The following GAB2 variants were observed in gnomAD, a reference collection of about 807,000 sequenced individuals.
GAB2 encodes the protein GRB2-associated-binding protein 2.
In GAB2, 26 loss-of-function variants were observed where a neutral mutation model predicts 65.5. The ratio of observed to expected loss-of-function variants is 0.40; its 90% CI spans 0.29 to 0.55. GAB2 has a LOEUF of 0.55. Ranked by LOEUF, GAB2 falls within the 20% of genes least tolerant of loss-of-function variation. The pLI is 0.53. For missense variants in GAB2, 884 were observed against 875.8 expected, an observed-to-expected ratio of 1.01 and a Z score of -0.12; for synonymous variants, 321 against 329.6, an observed-to-expected ratio of 0.97 and a Z score of 0.28.
chr11:78,318,941 C>A (rs566107199), intron 1 of GAB2, among the ~76,000 whole-genome samples: 1 of 152,258 alleles, frequency 6.6e-6, no homozygotes, highest in South Asian at 2.1e-4. Context: ...AATGGAGAAT[C>A]GTTCTTTTCA....
Position 78,374,350 on chromosome 11 carries a change from C to T in GAB2, c.75+43296G>A, listed in dbSNP as rs144250757. 3.7e-4 allele frequency among the ~76,000 whole-genome samples: 56 copies of T among 152,240 alleles called. 1 individual carries two copies. The East Asian group carries it at 9.4e-3, about 26-fold the overall frequency. On this transcript the variant is annotated intron_variant, in intron 1 of 9. Coordinates refer to ENST00000361507, the MANE Select transcript of GAB2 (RefSeq NM_080491.3). The stretch of plus-strand genomic sequence containing the variant: ...TATTTGTCACAGGTTTCACTTTTGT[C>T]GAGCCATTTCTGAACTCATTATAAA...
Position 78,279,020 on chromosome 11 carries a change from A to G in GAB2, c.376+1581T>C, listed in dbSNP as rs1408613343. ...TTTTACTGAATATGCATTGCTCTCC[A>G]TCAGGAATAAAATAAAGGAAAAAAA... On this transcript the variant is annotated intron_variant, in intron 2 of 9. Coordinates refer to ENST00000361507, the MANE Select transcript of GAB2 (RefSeq NM_080491.3). 2.6e-5 allele frequency among the ~76,000 whole-genome samples: 4 copies of G among 151,972 alleles called. No individual in the cohort carries two copies. The East Asian group carries it at 7.7e-4, about 29-fold the overall frequency.
In GAB2 at chr11:78,225,141, A is replaced by G. The variant is rs757109067; in HGVS notation, c.1269T>C (p.Ala423=). The G allele has an allele frequency of 6.2e-7, 1 of 1,613,408 alleles. No individual in the cohort carries two copies. Among genetic ancestry groups the G allele is most frequent in the Non-Finnish European group, 8.5e-7 (1 of 1,179,324 alleles). The change falls in exon 5 of 10, where the codon GCT becomes GCC. Residue 423 remains alanine (A), a synonymous_variant. Transcript: ENST00000361507. ...AGCCAACTCCATCACTCATGGATTC[A>G]GCAGACCGGCCTGCACTCTCTCCAC... ...QRGGESAGRS[A]ESMSDGVGSF...
chr11:78,403,547 A>C lies in GAB2; in HGVS notation c.75+14099T>G, dbSNP rs1857001803. Among the ~76,000 whole-genome samples the C allele has an allele frequency of 2.0e-5, 3 of 152,258 alleles. No individual in the cohort carries two copies. In the South Asian group the frequency reaches 6.2e-4, roughly 32 times the overall value. ...CTTGATATCCATATGCAGAAGAATG[A>C]AACTAGACCCCTATCTTTCTCAATA... On this transcript the variant is annotated intron_variant, in intron 1 of 9. Coordinates refer to ENST00000361507, the MANE Select transcript of GAB2 (RefSeq NM_080491.3).
Position 78,250,397 on chromosome 11 carries a change from G to C in GAB2, c.380C>G (p.Ser127Cys). ...GFNQAEESTD[S>C]LRNVSSAGHG... ...ACCGGCTGAGGAAACATTTCTCAGG[G>C]AGTCTGAAAAGGAGAAATAGCTCTG... The change falls in exon 3 of 10, where the codon TCC (serine) becomes TGC (cysteine). Residue 127 changes from serine (S) to cysteine (C), a missense_variant. Coordinates refer to ENST00000361507, the MANE Select transcript of GAB2 (RefSeq NM_080491.3). The C allele has an allele frequency of 6.2e-7, 1 of 1,612,650 alleles. No homozygotes were observed. The highest frequency in any genetic ancestry group is 8.5e-7 in the Non-Finnish European group (1 of 1,178,774).
intron 1 of GAB2, among the ~76,000 whole-genome samples, chr11:78,361,612 A>T (rs10751288): frequency 0.16 from 24,146 of 152,246 alleles, 2,583 homozygotes; most frequent in East Asian, 0.42. Flanking sequence ...ACTATAAATG[A>T]TTTTTAAACA....
At chr11:78,378,277 T>G (rs1198736208) in intron 1 of GAB2, among the ~76,000 whole-genome samples, 1 of 152,174 alleles carries the variant, frequency 6.6e-6, no homozygotes, top group Admixed American at 6.5e-5. Flanking sequence ...AGACAAGCAG[T>G]ATGAGATACA....
intron 3 of GAB2, among the ~76,000 whole-genome samples, chr11:78,232,159 CAG>C (rs748718716): frequency 9.9e-5 from 15 of 152,214 alleles, no homozygotes; most frequent in Non-Finnish European, 2.1e-4. Context: ...GTGAATGAGT[CAG>C]GGAAGACTTA....
In GAB2 at chr11:78,215,983, TTTG is replaced by T. The variant is rs1864120063; in HGVS notation, c.*3286_*3288del. 6.6e-6 allele frequency: 1 copy of T among 152,624 alleles called. No homozygotes were observed. Among genetic ancestry groups the T allele is most frequent in the Non-Finnish European group, 1.5e-5 (1 of 68,056 alleles). The allele number at this position is 152,624 out of a possible 1,614,324, so 9.5% of individuals were successfully genotyped here. ...CTTTTGTCACAGGAATGGGGCATAC[TTTG>T]TTAACTTCTACATTGGAAACCACTA... On this transcript the variant is annotated 3_prime_UTR_variant, in exon 10 of 10. Coordinates refer to ENST00000361507, the MANE Select transcript of GAB2 (RefSeq NM_080491.3).
chr11:78,265,117 C>A (rs1476993664), intron 2 of GAB2, among the ~76,000 whole-genome samples: 2 of 151,524 alleles, frequency 1.3e-5, no homozygotes, highest in African/African-American at 2.4e-5. Flanking sequence ...TTATCCAAGA[C>A]CACGTTTAGA....
chr11:78,346,724 T>G (rs868139575), intron 1 of GAB2, among the ~76,000 whole-genome samples: 1 of 114,966 alleles, frequency 8.7e-6, no homozygotes, highest in African/African-American at 5.0e-5. Flanking sequence ...TATATATAAT[T>G]TTTTTTTTTT....
Position 78,226,363 on chromosome 11 carries a change from G to A in GAB2, c.1207+102C>T, listed in dbSNP as rs570775707. The A allele has an allele frequency of 3.6e-5, 34 of 933,072 alleles. No individual in the cohort carries two copies. In the East Asian group the frequency reaches 4.8e-4, roughly 13 times the overall value. The allele number at this position is 933,072 out of a possible 1,614,324, so 57.8% of individuals were successfully genotyped here. ...TGAGTATCAGTGACCTAGGTGGTTCGTAAGTTCCCCTCGGCCATGGATGAC... is the reference window on the plus strand; with the variant it reads ...TGAGTATCAGTGACCTAGGTGGTTCATAAGTTCCCCTCGGCCATGGATGAC... On this transcript the variant is annotated intron_variant, in intron 4 of 9. Coordinates refer to ENST00000361507, the MANE Select transcript of GAB2 (RefSeq NM_080491.3).
intron 1 of GAB2, among the ~76,000 whole-genome samples, chr11:78,382,833 C>T (rs1856715249): frequency 6.6e-6 from 1 of 152,168 alleles, no homozygotes; most frequent in South Asian, 2.1e-4. Context: ...AAACAAGGAA[C>T]TCGATTAGAA....
In GAB2 at chr11:78,298,376, C is replaced by T. The variant is rs1199402325; in HGVS notation, c.76-17475G>A. 2.6e-5 allele frequency among the ~76,000 whole-genome samples: 4 copies of T among 152,154 alleles called. No individual in the cohort carries two copies. The East Asian group carries it at 7.7e-4, about 29-fold the overall frequency. ...TTATGATGGAGAAGAGAATCACAGTCACATCTCTCTGACAAGTCTATTATG... is the reference window on the plus strand; with the variant it reads ...TTATGATGGAGAAGAGAATCACAGTTACATCTCTCTGACAAGTCTATTATG... On this transcript the variant is annotated intron_variant, in intron 1 of 9. Transcript: ENST00000361507.
chr11:78,291,570 T>C (rs1166967997), intron 1 of GAB2, among the ~76,000 whole-genome samples: 5 of 115,600 alleles, frequency 4.3e-5, no homozygotes, highest in South Asian at 3.1e-4. Flanking sequence ...TCTTTTTTTT[T>C]TTTTTTTTTT....
At position 78,218,911 on chromosome 11, in the gene GAB2, T is replaced by G; in HGVS notation, c.*361A>C. 1 of 201,938 alleles carries G rather than the reference T, an allele frequency of 5.0e-6. No homozygotes were observed. The highest frequency in any genetic ancestry group is 1.0e-5 in the Non-Finnish European group (1 of 100,302). 12.5% of individuals were successfully genotyped at this position (201,938 alleles called of 1,614,324 possible). A position where few individuals can be genotyped will look rare whatever the true frequency, so the allele number is the denominator to read the frequency against. The stretch of plus-strand genomic sequence containing the variant: ...CTGAGGGCTGTGACTGAACGTGAGG[T>G]GTGGAATCTGGCTCAGAGCCCCAGC... On this transcript the variant is annotated 3_prime_UTR_variant, in exon 10 of 10. Coordinates refer to ENST00000361507, the MANE Select transcript of GAB2 (RefSeq NM_080491.3).
intron 2 of GAB2, among the ~76,000 whole-genome samples, chr11:78,274,012 T>C (rs1191533296): frequency 2.0e-5 from 3 of 152,134 alleles, no homozygotes; most frequent in Non-Finnish European, 2.9e-5. Flanking sequence ...GTTTTTTTTT[T>C]TGTTTTGTTT....
chr11:78,261,732 G>C (rs929814933), intron 2 of GAB2, among the ~76,000 whole-genome samples: 3 of 152,180 alleles, frequency 2.0e-5, no homozygotes, highest in African/African-American at 7.2e-5. Flanking sequence ...CTGCAGGCCA[G>C]CCCCAAAGGG....
At chr11:78,341,117 T>C (rs1400716512) in intron 1 of GAB2, among the ~76,000 whole-genome samples, 4 of 152,250 alleles carry the variant, frequency 2.6e-5, no homozygotes, top group Non-Finnish European at 4.4e-5. Flanking sequence ...ATATCTACTA[T>C]CTTACTTTAC....
Sources: gnomAD v4.1 joint callset for allele counts (sites outside exome capture counted in the v4.1 genomes callset) on GRCh38, gnomAD v4.1.1 for gene constraint, MANE v1.5 for transcripts, NCBI Gene and HGNC (gene_info 2026-07-23, HGNC 2026-07-21) for gene names.